Variants in NATD1 observed in about 807,000 individuals in gnomAD.
NATD1 encodes the protein protein NATD1.
NATD1 carries 9 observed loss-of-function variants against 12.0 expected under a neutral mutation model. The observed-to-expected ratio is 0.75, with a 90% confidence interval of 0.45 to 1.30. NATD1 has a LOEUF of 1.30. Ranked by LOEUF, NATD1 falls within the 50% of genes most tolerant of loss-of-function variation. NATD1 has a pLI of 0.00. For synonymous variants in NATD1, 71 were observed against 65.9 expected (o/e 1.08, Z -0.37); for missense variants, 148 against 148.5 (o/e 1.00, Z 0.02).
In NATD1 at chr17:21,253,373, T is replaced by C; in HGVS notation, c.-109A>G. 1 of 283,498 alleles carries C rather than the reference T, an allele frequency of 3.5e-6. No individual in the cohort carries two copies. Among genetic ancestry groups the C allele is most frequent in the Non-Finnish European group, 5.0e-6 (1 of 199,786 alleles). 17.6% of individuals were successfully genotyped at this position (283,498 alleles called of 1,614,324 possible). On this transcript the variant is annotated 5_prime_UTR_variant, in exon 1 of 3. Coordinates refer to ENST00000611551, the MANE Select transcript of NATD1 (RefSeq NM_152914.3). ...GCGCAGGCGGCAGGCGGTGGGGTAG[T>C]TACGGCCTGGGAGACCGCAGGCGGC...
chr17:21,243,227 G>A lies in NATD1; in HGVS notation c.*86C>T. The A allele has an allele frequency of 9.8e-7, 1 of 1,016,802 alleles. No homozygotes were observed. The highest frequency in any genetic ancestry group is 1.4e-5 in the South Asian group (1 of 71,708). 63.0% of individuals were successfully genotyped at this position (1,016,802 alleles called of 1,614,324 possible). On this transcript the variant is annotated 3_prime_UTR_variant, in exon 3 of 3. Coordinates refer to ENST00000611551, the MANE Select transcript of NATD1 (RefSeq NM_152914.3). ...AAATAACTCTGAGTCTGTTCCCAGT[G>A]GGACCAGGTTCCTGAGAGCACGTGG...
At chr17:21,247,894 G>T (rs1975340313) in intron 1 of NATD1, among the ~76,000 whole-genome samples, 1 of 152,220 alleles carries the variant, frequency 6.6e-6, no homozygotes, top group Non-Finnish European at 1.5e-5. Context: ...CCCGTCATGG[G>T]TGCTGCGGGC....
rs1364653348 is a variant in NATD1, at chr17:21,244,603, G to A, written c.107-379C>T. On this transcript the variant is annotated intron_variant, in intron 1 of 2. Coordinates refer to ENST00000611551, the MANE Select transcript of NATD1 (RefSeq NM_152914.3). This position sits in a 1 kb window ranked among gnomAD's most constrained non-coding sequence, Gnocchi z 5.2. ...TCTGGGAGTCCCAGAACCCAGCACT[G>A]GACACAGAACAGGGCTCAGCAAATC... 6.6e-6 allele frequency among the ~76,000 whole-genome samples: 1 copy of A among 152,108 alleles called. No individual in the cohort carries two copies. The highest frequency in any genetic ancestry group is 2.4e-5 in the African/African-American group (1 of 41,394).
intron 1 of NATD1, among the ~76,000 whole-genome samples, chr17:21,248,299 G>T (rs1314177954): frequency 6.6e-6 from 1 of 152,182 alleles, no homozygotes; most frequent in Non-Finnish European, 1.5e-5. Flanking sequence ...CCCCAAACCT[G>T]CCTGGACATC....
intron 2 of NATD1, among the ~76,000 whole-genome samples, chr17:21,243,690 G>A (rs1355156388): frequency 6.6e-6 from 1 of 152,156 alleles, no homozygotes; most frequent in Non-Finnish European, 1.5e-5. Flanking sequence ...AATTCTCCTG[G>A]CGGGGTGGGG....
intron 1 of NATD1, among the ~76,000 whole-genome samples, chr17:21,247,050 C>T (rs922842702): frequency 2.6e-5 from 4 of 152,150 alleles, no homozygotes; most frequent in African/African-American, 9.7e-5. Flanking sequence ...GAGGTGGATA[C>T]AAGAAGCCTG....
chr17:21,251,226 A>T (rs1315376247), intron 1 of NATD1, among the ~76,000 whole-genome samples: 2 of 150,934 alleles, frequency 1.3e-5, no homozygotes, highest in Non-Finnish European at 3.0e-5. Flanking sequence ...GGGCATGTCC[A>T]GCCCTGACCA....
At chr17:21,251,686 C>T (rs759947978) in intron 1 of NATD1, among the ~76,000 whole-genome samples, 4 of 152,220 alleles carry the variant, frequency 2.6e-5, no homozygotes, top group Admixed American at 1.3e-4. Flanking sequence ...GCTCGACACT[C>T]GGCACATTCC....
In NATD1 at chr17:21,244,025, C is replaced by T. The variant is rs1975303172; in HGVS notation, c.225+81G>A. ...CCAAGAAGCAGGCTGAAGTGGCCAC[C>T]AGGGCCACCGTCTCCTCGGAGCGAA... On this transcript the variant is annotated intron_variant, in intron 2 of 2. Coordinates refer to ENST00000611551, the MANE Select transcript of NATD1 (RefSeq NM_152914.3). The surrounding 1 kb of genome is among the most constrained non-coding windows in gnomAD (Gnocchi z 5.2). 1 of 1,304,816 alleles carries T rather than the reference C, an allele frequency of 7.7e-7. No individual in the cohort carries two copies. Among genetic ancestry groups the T allele is most frequent in the Admixed American group, 2.1e-5 (1 of 47,294 alleles). 80.8% of individuals were successfully genotyped at this position (1,304,816 alleles called of 1,614,324 possible).
chr17:21,252,238 G>C (rs1864396997), intron 1 of NATD1, among the ~76,000 whole-genome samples: 1 of 151,998 alleles, frequency 6.6e-6, no homozygotes, highest in South Asian at 2.1e-4. Context: ...CCAGGAGGCA[G>C]AGGTTGCAGT....
rs941359826 is a variant in NATD1 at position 21,241,388 on chromosome 17, T to TA, written c.*1924dup. The stretch of plus-strand genomic sequence containing the variant: ...GGGAAGGGGGTGACCTTAGGGAGGG[T>TA]AAAAGAGGACCCTAGCTCTGCTGCC... On this transcript the variant is annotated 3_prime_UTR_variant, in exon 3 of 3. Transcript: ENST00000611551. 6.7e-6 allele frequency: 1 copy of TA among 149,472 alleles called. No homozygotes were observed. The highest frequency in any genetic ancestry group is 1.5e-5 in the Non-Finnish European group (1 of 67,138). The allele number at this position is 149,472 out of a possible 1,614,324, so 9.3% of individuals were successfully genotyped here. A position where few individuals can be genotyped will look rare whatever the true frequency, so the allele number is the denominator to read the frequency against.
Position 21,253,366 on chromosome 17 carries a change from G to T in NATD1, c.-102C>A, listed in dbSNP as rs1434589172. On this transcript the variant is annotated 5_prime_UTR_variant, in exon 1 of 3. Coordinates refer to ENST00000611551, the MANE Select transcript of NATD1 (RefSeq NM_152914.3). ...AGCGCGGGCGCAGGCGGCAGGCGGT[G>T]GGGTAGTTACGGCCTGGGAGACCGC... 2 of 351,820 alleles carry T rather than the reference G, an allele frequency of 5.7e-6. No individual in the cohort carries two copies. The highest frequency in any genetic ancestry group is 7.9e-6 in the Non-Finnish European group (2 of 251,956). 21.8% of individuals were successfully genotyped at this position (351,820 alleles called of 1,614,324 possible).
At chr17:21,250,739 A>AT (rs1174640719) in intron 1 of NATD1, among the ~76,000 whole-genome samples, 2 of 152,166 alleles carry the variant, frequency 1.3e-5, no homozygotes, top group African/African-American at 4.8e-5. Context: ...AACACTGTAA[A>AT]TGCTTAATAA....
At chr17:21,248,397 C>T (rs982174331) in intron 1 of NATD1, among the ~76,000 whole-genome samples, 136 of 152,190 alleles carry the variant, frequency 8.9e-4, no homozygotes, top group African/African-American at 3.2e-3. Flanking sequence ...TCGGCAGGAC[C>T]GTGGACATGG....
chr17:21,239,399 C>G lies in NATD1; in HGVS notation c.*3914G>C, dbSNP rs925748623. ...GTCCTGAGCCCTTCTAGCGGTGTGGCTTTGGCTTGTGACCCCCGACTCAGC... is the reference window on the plus strand; with the variant it reads ...GTCCTGAGCCCTTCTAGCGGTGTGGGTTTGGCTTGTGACCCCCGACTCAGC... On this transcript the variant is annotated 3_prime_UTR_variant, in exon 3 of 3. Transcript: ENST00000611551. 1.6e-5 allele frequency: 2 copies of G among 128,554 alleles called. No homozygotes were observed. The highest frequency in any genetic ancestry group is 5.4e-5 in the African/African-American group (2 of 36,960). 8.0% of individuals were successfully genotyped at this position (128,554 alleles called of 1,614,324 possible). A position where few individuals can be genotyped will look rare whatever the true frequency, so the allele number is the denominator to read the frequency against.
rs560604681 is a variant in NATD1, at chr17:21,243,119, G to T, written c.*194C>A. ...GCCGGGACTACCTGGCCTCCTTGCC[G>T]CCTCGGTTACCGGGTCACCGCCCAT... is the stretch of plus-strand genomic sequence containing the variant. On this transcript the variant is annotated 3_prime_UTR_variant, in exon 3 of 3. Coordinates refer to ENST00000611551, the MANE Select transcript of NATD1 (RefSeq NM_152914.3). The T allele has an allele frequency of 5.6e-6, 3 of 540,044 alleles. No individual in the cohort carries two copies. The highest frequency in any genetic ancestry group is 6.2e-5 in the Admixed American group (2 of 32,068). The allele number at this position is 540,044 out of a possible 1,614,324, so 33.5% of individuals were successfully genotyped here. A position where few individuals can be genotyped will look rare whatever the true frequency, so the allele number is the denominator to read the frequency against.
At chr17:21,251,985 G>A (rs1975380714) in intron 1 of NATD1, among the ~76,000 whole-genome samples, 1 of 152,190 alleles carries the variant, frequency 6.6e-6, no homozygotes, top group Non-Finnish European at 1.5e-5. Context: ...CCTACCTGTG[G>A]GACCTCCTGA....
intron 1 of NATD1, among the ~76,000 whole-genome samples, 159 bp downstream of exon 1, chr17:21,253,000 C>T (rs1400648542): frequency 6.7e-6 from 1 of 150,010 alleles, no homozygotes; most frequent in Non-Finnish European, 1.5e-5. Context: ...TCCGGCCGCC[C>T]GGGACCACCC....
chr17:21,243,286 G>T lies in NATD1; in HGVS notation c.*27C>A. Reference sequence around the variant, plus strand: ...AAAGGCCACGTGGAAGAGTCCGGCAGGGAGCGCTCCCGCCTGCAGGCCAGG... The same window carrying T: ...AAAGGCCACGTGGAAGAGTCCGGCATGGAGCGCTCCCGCCTGCAGGCCAGG... On this transcript the variant is annotated 3_prime_UTR_variant, in exon 3 of 3. Coordinates refer to ENST00000611551, the MANE Select transcript of NATD1 (RefSeq NM_152914.3). 1 of 1,595,458 alleles carries T rather than the reference G, an allele frequency of 6.3e-7. No individual in the cohort carries two copies.
Sources: gnomAD v4.1 joint callset for allele counts (sites outside exome capture counted in the v4.1 genomes callset) on GRCh38, gnomAD v4.1.1 for gene constraint, Gnocchi (gnomAD v3.1) non-coding constraint, MANE v1.5 for transcripts, NCBI Gene and HGNC (gene_info 2026-07-23, HGNC 2026-07-21) for gene names.